IL17REL: variants seen among roughly 807,000 people sequenced by gnomAD.
IL17REL encodes interleukin 17 receptor E like.
A neutral mutation model predicts 49.0 loss-of-function variants in IL17REL; 36 were observed. The ratio of observed to expected loss-of-function variants is 0.73; its 90% CI spans 0.56 to 0.97. The LOEUF (loss-of-function observed/expected upper bound fraction) is 0.97. IL17REL is among the 50% of genes least tolerant of loss of function. The pLI, the probability that IL17REL is intolerant of heterozygous loss-of-function variation, is 0.00. For missense variants in IL17REL, 470 were observed against 453.9 expected (o/e 1.04, Z -0.32); for synonymous variants, 206 against 192.4 (o/e 1.07, Z -0.58).
At position 50,006,971 on chromosome 22, in the gene IL17REL, A is replaced by AGG. The variant is rs1555949614; in HGVS notation, c.-42+1664_-42+1665dup. Among the ~76,000 whole-genome samples the AGG allele has an allele frequency of 2.0e-5, 3 of 149,444 alleles. No homozygotes were observed. In the East Asian group the frequency reaches 5.9e-4, roughly 29 times the overall value. On this transcript the variant is annotated intron_variant, in intron 1 of 12. Coordinates refer to ENST00000341280, the Ensembl canonical transcript of IL17REL. ...CTCTGTCTCAAAAAAAAAAAAAAAA[A>AGG]GGGAGGGGATGTTAAACTAAAAAAC... is the stretch of plus-strand genomic sequence containing the variant.
At chr22:50,001,276 C>T (rs1410676072) in intron 1 of IL17REL, 45 bp from the exon 3 acceptor site, 4 of 834,114 alleles carry the variant, frequency 4.8e-6, no homozygotes, top group Admixed American at 2.2e-5. Context: ...CCCTGGTGCT[C>T]GGAAAGGCTT....
chr22:50,011,827 G>A (rs1043586755), upstream of IL17REL, among the ~76,000 whole-genome samples: 2 of 152,206 alleles, frequency 1.3e-5, no homozygotes, highest in African/African-American at 4.8e-5. Flanking sequence ...GCTGCTGGAT[G>A]TCCCCGCAAG....
chr22:50,007,849 A>C (rs1173343826), intron 1 of IL17REL, among the ~76,000 whole-genome samples: 1 of 101,492 alleles, frequency 9.9e-6, no homozygotes, highest in Admixed American at 9.4e-5. Flanking sequence ...AATTCAAGTA[A>C]AAATAAAATA....
chr22:50,010,714 C>A (rs2061134797), upstream of IL17REL, among the ~76,000 whole-genome samples: 1 of 152,118 alleles, frequency 6.6e-6, no homozygotes, highest in South Asian at 2.1e-4. Context: ...GCAGGAGAAG[C>A]CGCTGTCGGG....
chr22:50,005,042 C>T (rs2061101706), intron 1 of IL17REL, among the ~76,000 whole-genome samples: 2 of 145,048 alleles, frequency 1.4e-5, no homozygotes, highest in Non-Finnish European at 3.0e-5. Context: ...AAAATGAGGA[C>T]ATATACAGAG....
At chr22:49,994,570 C>T in exon 13 of IL17REL, 1 of 152,474 alleles carries the variant, frequency 6.6e-6, no homozygotes, top group Non-Finnish European at 1.5e-5. Context: ...CTTACTCGCT[C>T]TGCAGCCCCC....
Position 49,997,703 on chromosome 22 carries a change from C to A in IL17REL, c.859G>T (p.Glu287Ter). 4 of 1,613,874 alleles carry A rather than the reference C, an allele frequency of 2.5e-6. No individual in the cohort carries two copies. The highest frequency in any genetic ancestry group is 3.4e-6 in the Non-Finnish European group (4 of 1,179,988). Reference sequence around the variant, plus strand: ...AACTTACTTGGGAAGCGACGCTGTTCGAAAGGGCACCGCACCCAGGACCCC... The same window carrying A: ...AACTTACTTGGGAAGCGACGCTGTTAGAAAGGGCACCGCACCCAGGACCCC... The change falls in exon 10 of 13, where the codon GAA becomes TAA. Residue 287 changes from glutamate (E) to a stop codon, truncating the protein, a stop_gained. Transcript: ENST00000341280. LOFTEE classifies it high-confidence loss of function.
chr22:49,995,977 T>G (rs1019073390), exon 13 of IL17REL: 2 of 152,394 alleles, frequency 1.3e-5, no homozygotes, highest in African/African-American at 4.8e-5. Flanking sequence ...CCCTTTAGTC[T>G]GTGATCTGCT....
chr22:49,993,909 C>T (rs573682512), downstream of IL17REL, among the ~76,000 whole-genome samples: 1 of 152,236 alleles, frequency 6.6e-6, no homozygotes, highest in South Asian at 2.1e-4. This position sits in a 1 kb window ranked among gnomAD's most constrained non-coding sequence, Gnocchi z 6.0. Flanking sequence ...CCCTGCTGAG[C>T]CGGGACACTT....
At chr22:50,005,567 C>T (rs1049622290) in intron 1 of IL17REL, among the ~76,000 whole-genome samples, 2 of 151,990 alleles carry the variant, frequency 1.3e-5, no homozygotes, top group East Asian at 1.9e-4. Context: ...TTCGGGAGGT[C>T]GAGGCGGGCG....
intron 4 of IL17REL, 40 bp from the exon 7 acceptor site, chr22:50,000,007 G>A (rs1164571642): frequency 1.4e-6 from 2 of 1,445,448 alleles, no homozygotes; most frequent in South Asian, 1.4e-5. Context: ...TGGGACCAGC[G>A]GTCACCGACG....
chr22:49,998,992 G>A (rs1015154786), intron 7 of IL17REL, among the ~76,000 whole-genome samples: 1 of 152,108 alleles, frequency 6.6e-6, no homozygotes, highest in African/African-American at 2.4e-5. Flanking sequence ...CAGCGTCGCT[G>A]AGCAGAACCG....
intron 1 of IL17REL, among the ~76,000 whole-genome samples, chr22:50,005,809 C>T (rs1336202889): frequency 1.4e-5 from 2 of 139,698 alleles, no homozygotes; most frequent in Non-Finnish European, 3.1e-5. Flanking sequence ...TGTCCCCCTA[C>T]CCCCCAGAAA....
chr22:49,999,820 G>A lies in IL17REL; in HGVS notation c.474+8C>T, dbSNP rs1247926875. The stretch of plus-strand genomic sequence containing the variant: ...AGGCTGACCGGGGCCCGGGGCGCGG[G>A]CGCTCACTCGCACAGGGGCGCCGGC... On this transcript the variant is annotated splice_region_variant and intron_variant, in intron 5 of 12. Coordinates refer to ENST00000341280, the Ensembl canonical transcript of IL17REL. 4 of 1,498,884 alleles carry A rather than the reference G, an allele frequency of 2.7e-6. No individual in the cohort carries two copies. In the African/African-American group the frequency reaches 4.4e-5, roughly 16 times the overall value. The allele number at this position is 1,498,884 out of a possible 1,614,324, so 92.8% of individuals were successfully genotyped here. A position where few individuals can be genotyped will look rare whatever the true frequency, so the allele number is the denominator to read the frequency against.
intron 6 of IL17REL, 35 bp downstream of exon 8, chr22:49,999,396 C>A (rs2061060146): frequency 1.2e-6 from 2 of 1,612,662 alleles, no homozygotes; most frequent in Non-Finnish European, 1.7e-6. Flanking sequence ...GTGCTCCCCT[C>A]ACCCGCCCCA....
intron 1 of IL17REL, among the ~76,000 whole-genome samples, 155 bp downstream of exon 2, chr22:50,008,482 G>A (rs1274155222): frequency 1.3e-5 from 2 of 152,296 alleles, no homozygotes; most frequent in South Asian, 2.1e-4. Flanking sequence ...CACACGCATC[G>A]GTGAGTGATA....
exon 3 of IL17REL, chr22:50,000,853 C>T (rs2061074899): frequency 6.4e-7 from 1 of 1,567,372 alleles, no homozygotes; most frequent in Non-Finnish European, 8.6e-7. Context: ...CCTCCAGGCC[C>T]CGCAGGCGCT....
upstream of IL17REL, among the ~76,000 whole-genome samples, chr22:50,011,958 G>A (rs931468370): frequency 3.3e-5 from 5 of 152,192 alleles, no homozygotes; most frequent in Non-Finnish European, 7.3e-5. Context: ...GACACCTTCT[G>A]TGCCCTTTCC....
chr22:50,007,712 T>A (rs1413104406), intron 1 of IL17REL, among the ~76,000 whole-genome samples: 1 of 152,116 alleles, frequency 6.6e-6, no homozygotes, highest in Admixed American at 6.6e-5. Context: ...GTTACTATAG[T>A]CCGCTTTGTG....
Sources: gnomAD v4.1 joint callset for allele counts (sites outside exome capture counted in the v4.1 genomes callset) on GRCh38, gnomAD v4.1.1 for gene constraint, Gnocchi (gnomAD v3.1) non-coding constraint, MANE v1.5 for transcripts, NCBI Gene and HGNC (gene_info 2026-07-23, HGNC 2026-07-21) for gene names.